Variants in KIAA1328 observed in about 807,000 individuals in gnomAD.
KIAA1328 encodes the protein KIAA1328.
In KIAA1328, 52 loss-of-function variants were observed where a neutral mutation model predicts 68.1. The ratio of observed to expected loss-of-function variants is 0.76; its 90% CI spans 0.61 to 0.96. The LOEUF (loss-of-function observed/expected upper bound fraction) is 0.96. KIAA1328 is among the 40% of genes least tolerant of loss of function. KIAA1328 has a pLI of 0.00. For missense variants in KIAA1328, 641 were observed against 677.6 expected (o/e 0.95, Z 0.60); for synonymous variants, 232 against 239.4 (o/e 0.97, Z 0.28).
At chr18:36,843,878 G>A (rs1379074698) in intron 3 of KIAA1328, among the ~76,000 whole-genome samples, 2 of 152,144 alleles carry the variant, frequency 1.3e-5, no homozygotes, top group Non-Finnish European at 2.9e-5. Flanking sequence ...GGACTATGGT[G>A]TAATAACAGT....
At chr18:37,106,120 A>G (rs2057770300) in intron 7 of KIAA1328, among the ~76,000 whole-genome samples, 1 of 151,994 alleles carries the variant, frequency 6.6e-6, no homozygotes. Context: ...AACACCCAAA[A>G]TGTCCAGCAG....
rs549167857 is a variant in KIAA1328 at position 37,075,595 on chromosome 18, A to G, written c.1232+8050A>G. ...GCTGTTTTCAGGAAACCCATCTCAC[A>G]TGCAGAGACACACATAGGCTCAAAA... On this transcript the variant is annotated intron_variant, in intron 7 of 9. Transcript: ENST00000280020. 7.9e-5 allele frequency: 12 copies of G among 152,314 alleles called. No individual in the cohort carries two copies. In the East Asian group the frequency reaches 1.2e-3, roughly 15 times the overall value. 9.4% of individuals were successfully genotyped at this position (152,314 alleles called of 1,614,324 possible).
At chr18:37,066,134 G>C (rs1378678381) in intron 6 of KIAA1328, among the ~76,000 whole-genome samples, 1 of 152,214 alleles carries the variant, frequency 6.6e-6, no homozygotes, top group South Asian at 2.1e-4. Flanking sequence ...GAGAATCATT[G>C]ATACAGATTA....
chr18:36,975,901 A>G (rs1427660491), intron 6 of KIAA1328, among the ~76,000 whole-genome samples: 3 of 152,136 alleles, frequency 2.0e-5, no homozygotes, highest in Admixed American at 6.5e-5. Context: ...TTTTGTACCT[A>G]TGATTTACCT....
intron 7 of KIAA1328, among the ~76,000 whole-genome samples, chr18:37,115,509 G>A (rs1030607334): frequency 3.9e-5 from 6 of 152,138 alleles, no homozygotes; most frequent in Non-Finnish European, 7.3e-5. Flanking sequence ...TTGATGGGAC[G>A]TATCTTGAAA....
intron 6 of KIAA1328, among the ~76,000 whole-genome samples, chr18:36,993,384 A>G (rs1307992594): frequency 2.6e-5 from 4 of 152,180 alleles, no homozygotes; most frequent in African/African-American, 7.2e-5. Flanking sequence ...TTTCAGAATA[A>G]ATCTGTAAAC....
At chr18:37,137,201 T>C (rs2058665360) in intron 7 of KIAA1328, among the ~76,000 whole-genome samples, 1 of 152,184 alleles carries the variant, frequency 6.6e-6, no homozygotes, top group Non-Finnish European at 1.5e-5. Context: ...CATATTTTAA[T>C]GTGCCCATCA....
chr18:36,987,192 G>T (rs1401949561), intron 6 of KIAA1328, among the ~76,000 whole-genome samples: 1 of 60,642 alleles, frequency 1.6e-5, no homozygotes, highest in Non-Finnish European at 3.6e-5. Flanking sequence ...GTAGGGACAT[G>T]GATGAAATTG....
In KIAA1328 at chr18:37,225,290, A is replaced by T; in HGVS notation, c.*3063A>T. 1 of 985,456 alleles carries T rather than the reference A, an allele frequency of 1.0e-6. No individual in the cohort carries two copies. Among genetic ancestry groups the T allele is most frequent in the Non-Finnish European group, 1.2e-6 (1 of 829,926 alleles). 61.0% of individuals were successfully genotyped at this position (985,456 alleles called of 1,614,324 possible). ...AATATGAGCAAATGTTTATGTACGT[A>T]TGAGATTTCAAGTTAATAAATCATC... On this transcript the variant is annotated 3_prime_UTR_variant, in exon 10 of 10. Coordinates refer to ENST00000280020, the MANE Select transcript of KIAA1328 (RefSeq NM_020776.3).
At position 37,223,829 on chromosome 18, in the gene KIAA1328, T is replaced by G; in HGVS notation, c.*1602T>G. ...CACCCAGCCTTCTTTCACTTGGGGT[T>G]TTTTATTCTTTGGAGTAGAAAAGAA... On this transcript the variant is annotated 3_prime_UTR_variant, in exon 10 of 10. Transcript: ENST00000280020. The G allele has an allele frequency of 1.0e-6, 1 of 985,208 alleles. No individual in the cohort carries two copies. The highest frequency in any genetic ancestry group is 1.7e-5 in the African/African-American group (1 of 57,342). The allele number at this position is 985,208 out of a possible 1,614,324, so 61.0% of individuals were successfully genotyped here.
chr18:37,180,664 C>T (rs1475754794), intron 9 of KIAA1328, among the ~76,000 whole-genome samples: 1 of 151,204 alleles, frequency 6.6e-6, no homozygotes, highest in Non-Finnish European at 1.5e-5. Flanking sequence ...ACTATCTTCT[C>T]ACATATACAT....
At chr18:37,157,731 C>T (rs2059183162) in intron 7 of KIAA1328, among the ~76,000 whole-genome samples, 1 of 145,082 alleles carries the variant, frequency 6.9e-6, no homozygotes, top group Admixed American at 7.4e-5. Flanking sequence ...ATCACTTGAC[C>T]TGGAAGGTGG....
At chr18:36,946,376 G>A (rs1015460354) in intron 5 of KIAA1328, 1 of 152,190 alleles carries the variant, frequency 6.6e-6, no homozygotes, top group African/African-American at 2.4e-5. Flanking sequence ...TCTCACTGGT[G>A]TGAAAGAGGG....
Position 37,076,627 on chromosome 18 carries a change from T to C in KIAA1328, c.1232+9082T>C, listed in dbSNP as rs570502657. 3.0e-3 allele frequency among the ~76,000 whole-genome samples: 452 copies of C among 150,254 alleles called. 11 individuals are homozygous for C. The highest frequency in any genetic ancestry group is 5.2e-3 in the Non-Finnish European group (351 of 67,170). On this transcript the variant is annotated intron_variant, in intron 7 of 9. Transcript: ENST00000280020. ...AGAAAAGAGAGAAGAATCAAATAGA[T>C]GCAATAAAAAATGATCAAGGGGATA...
At position 37,124,393 on chromosome 18, in the gene KIAA1328, C is replaced by T. The variant is rs1021801240; in HGVS notation, c.1233-35807C>T. Among the ~76,000 whole-genome samples the T allele has an allele frequency of 1.3e-4, 19 of 151,854 alleles. No homozygotes were observed. The South Asian group carries it at 1.7e-3, about 13-fold the overall frequency. Reference sequence around the variant, plus strand: ...TCTATTTCCAAAATTATCTAGTTTCCGTCATCCCTCCGTTATCATGACTTC... The same window carrying T: ...TCTATTTCCAAAATTATCTAGTTTCTGTCATCCCTCCGTTATCATGACTTC... On this transcript the variant is annotated intron_variant, in intron 7 of 9. Coordinates refer to ENST00000280020, the MANE Select transcript of KIAA1328 (RefSeq NM_020776.3).
At chr18:36,878,330 G>T (rs1478568970) in intron 4 of KIAA1328, among the ~76,000 whole-genome samples, 1 of 152,148 alleles carries the variant, frequency 6.6e-6, no homozygotes, top group East Asian at 1.9e-4. Flanking sequence ...ATTCTTTTAA[G>T]AGTGTTGAAT....
At chr18:37,037,347 T>C (rs188246730) in intron 6 of KIAA1328, among the ~76,000 whole-genome samples, 4 of 152,302 alleles carry the variant, frequency 2.6e-5, no homozygotes, top group Admixed American at 2.6e-4. Flanking sequence ...CCAGAGGCCA[T>C]AAGGGTTCAT....
chr18:36,880,724 A>T (rs536622402), intron 4 of KIAA1328, among the ~76,000 whole-genome samples: 1 of 152,198 alleles, frequency 6.6e-6, no homozygotes, highest in Admixed American at 6.5e-5. Flanking sequence ...TTTTAAAAAA[A>T]GATTCTTTTT....
At position 36,913,665 on chromosome 18, in the gene KIAA1328, T is replaced by C. The variant is rs2049565159; in HGVS notation, c.448+27993T>C. On this transcript the variant is annotated intron_variant, in intron 5 of 9. Transcript: ENST00000280020. ...AAGGATTATTGTCTCCAAACAATTA[T>C]GTAATCCTGCTCATTTTCCCTTTAA... is the stretch of plus-strand genomic sequence containing the variant. Among the ~76,000 whole-genome samples, 6 of 149,784 alleles carry C rather than the reference T, an allele frequency of 4.0e-5. No individual in the cohort carries two copies. The Admixed American group carries it at 4.1e-4, about 10-fold the overall frequency.
Sources: allele counts gnomAD v4.1 joint callset (sites outside exome capture counted in the v4.1 genomes callset), GRCh38; gene constraint gnomAD v4.1.1; transcripts MANE v1.5; gene names NCBI Gene and HGNC (gene_info 2026-07-23, HGNC 2026-07-21).